Variants in ARHGAP28 observed in about 807,000 individuals in gnomAD.
The protein encoded by ARHGAP28 is rho GTPase-activating protein 28.
ARHGAP28 carries 56 observed loss-of-function variants against 90.7 expected under a neutral mutation model. The ratio of observed to expected loss-of-function variants is 0.62; its 90% CI spans 0.50 to 0.77. ARHGAP28 has a LOEUF of 0.77. Among genes scored for constraint, ARHGAP28 ranks in the 30% least tolerant of loss-of-function variants. ARHGAP28 has a pLI of 0.00. For synonymous variants in ARHGAP28, 308 were observed against 323.3 expected (o/e 0.95, Z 0.51); for missense variants, 869 against 900.9 (o/e 0.96, Z 0.45).
chr18:6,756,221 CT>C (rs1390611651), intron 1 of ARHGAP28, among the ~76,000 whole-genome samples: 1 of 152,162 alleles, frequency 6.6e-6, no homozygotes, highest in Non-Finnish European at 1.5e-5. Context: ...GCCAACTATT[CT>C]TTTATTATAT....
intron 1 of ARHGAP28, among the ~76,000 whole-genome samples, chr18:6,757,245 C>T (rs56267670): frequency 0.014 from 2,173 of 152,262 alleles, 29 homozygotes; most frequent in Non-Finnish European, 0.021. Flanking sequence ...GCCATTATTT[C>T]ACATGGTGAA....
chr18:6,867,668 C>G (rs1600264121), intron 5 of ARHGAP28, among the ~76,000 whole-genome samples: 1 of 152,072 alleles, frequency 6.6e-6, no homozygotes, highest in Non-Finnish European at 1.5e-5. Context: ...TACTATCACT[C>G]TGTGTTTTGC....
At chr18:6,852,531 A>G (rs2056918685) in intron 4 of ARHGAP28, among the ~76,000 whole-genome samples, 1 of 152,240 alleles carries the variant, frequency 6.6e-6, no homozygotes, top group Non-Finnish European at 1.5e-5. Flanking sequence ...AATCTAAGGA[A>G]CTTAATTTTA....
At chr18:6,897,443 A>T (rs937808629) in intron 16 of ARHGAP28, 1 of 152,350 alleles carries the variant, frequency 6.6e-6, no homozygotes, top group African/African-American at 2.4e-5. Flanking sequence ...CAAATCTGCC[A>T]TGATCACCTT....
intron 16 of ARHGAP28, among the ~76,000 whole-genome samples, chr18:6,904,777 A>T (rs1358585156): frequency 1.3e-5 from 2 of 152,168 alleles, no homozygotes; most frequent in Non-Finnish European, 2.9e-5. Context: ...TTAAAGGGAT[A>T]AAAAGGATTA....
chr18:6,829,185 G>A (rs2056696838), intron 2 of ARHGAP28, among the ~76,000 whole-genome samples: 1 of 152,148 alleles, frequency 6.6e-6, no homozygotes, highest in South Asian at 2.1e-4. Context: ...CAGAAAGACA[G>A]GAAGACACAT....
chr18:6,859,716 C>T (rs1192296154), intron 4 of ARHGAP28, 92 bp from the exon 5 acceptor site: 1 of 1,243,960 alleles, frequency 8.0e-7, no homozygotes, highest in Non-Finnish European at 1.2e-6. Flanking sequence ...TATATTGCCA[C>T]ACATATCTCA....
chr18:6,734,782 T>C (rs1477617370), intron 1 of ARHGAP28, among the ~76,000 whole-genome samples: 2 of 152,204 alleles, frequency 1.3e-5, no homozygotes, highest in Non-Finnish European at 2.9e-5. Flanking sequence ...TGGGGGATAC[T>C]AGGTATACTT....
At chr18:6,894,965 T>C in intron 15 of ARHGAP28, 74 bp downstream of exon 15, 1 of 1,371,630 alleles carries the variant, frequency 7.3e-7, no homozygotes, top group South Asian at 1.2e-5. Flanking sequence ...ACCACATTTA[T>C]GTATAATGTT....
intron 1 of ARHGAP28, among the ~76,000 whole-genome samples, chr18:6,739,219 A>G (rs1196634109): frequency 1.3e-5 from 2 of 152,114 alleles, no homozygotes; most frequent in African/African-American, 4.8e-5. Flanking sequence ...CTCTGCCTCA[A>G]TTTGATTATT....
intron 1 of ARHGAP28, among the ~76,000 whole-genome samples, chr18:6,731,913 A>G (rs2055885839): frequency 6.6e-6 from 1 of 152,032 alleles, no homozygotes; most frequent in Admixed American, 6.5e-5. Flanking sequence ...TTTCAAGAAT[A>G]CCCTTTCCTT....
intron 3 of ARHGAP28, among the ~76,000 whole-genome samples, chr18:6,838,917 G>A (rs1364771362): frequency 6.6e-6 from 1 of 152,110 alleles, no homozygotes; most frequent in Admixed American, 6.5e-5. Context: ...GTAGTAAAAG[G>A]TTGCCTTGCT....
chr18:6,758,311 A>AT (rs2056129317), intron 1 of ARHGAP28, among the ~76,000 whole-genome samples: 1 of 151,764 alleles, frequency 6.6e-6, no homozygotes, highest in South Asian at 2.1e-4. Flanking sequence ...TAGGGCAGAG[A>AT]TTCTGCTCTG....
chr18:6,888,592 T>G (rs2057239994), intron 12 of ARHGAP28, among the ~76,000 whole-genome samples: 1 of 152,172 alleles, frequency 6.6e-6, no homozygotes, highest in Non-Finnish European at 1.5e-5. Context: ...TTTCAAAAAC[T>G]GAAAATTTAT....
chr18:6,807,949 C>T (rs2056530959), intron 1 of ARHGAP28, among the ~76,000 whole-genome samples: 1 of 152,184 alleles, frequency 6.6e-6, no homozygotes, highest in Non-Finnish European at 1.5e-5. Flanking sequence ...TTGTAGGGCT[C>T]AACTTGTTTA....
rs1351461954 is a variant in ARHGAP28 at position 6,896,402 on chromosome 18, T to C, written c.1906-100T>C. ...TGTTGATCATAGTGATGTGTTTTCC[T>C]AATTCAGAGTAGCACTGATTTTCAT... On this transcript the variant is annotated intron_variant, in intron 15 of 17. Coordinates refer to ENST00000383472, the MANE Select transcript of ARHGAP28 (RefSeq NM_001366230.1). 8.8e-6 allele frequency: 12 copies of C among 1,365,708 alleles called. No individual in the cohort carries two copies. The African/African-American group carries it at 1.4e-4, about 16-fold the overall frequency. The allele number at this position is 1,365,708 out of a possible 1,614,324, so 84.6% of individuals were successfully genotyped here. A position where few individuals can be genotyped will look rare whatever the true frequency, so the allele number is the denominator to read the frequency against.
Position 6,865,588 on chromosome 18 carries a change from AGTCAGAGAGATCATAAACATGT to A in ARHGAP28, c.727-2561_727-2540del, listed in dbSNP as rs549477660. Among the ~76,000 whole-genome samples the A allele has an allele frequency of 1.5e-4, 23 of 152,316 alleles. No homozygotes were observed. The South Asian group carries it at 3.5e-3, about 23-fold the overall frequency. On this transcript the variant is annotated intron_variant, in intron 5 of 17. Transcript: ENST00000383472. ...AACCATGGGCAAAAACCAAACAGCC[AGTCAGAGAGATCATAAACATGT>A]TTTGAGTCAGTGAAATTTTAAGTAG... is the stretch of plus-strand genomic sequence containing the variant.
intron 1 of ARHGAP28, 40 bp from the exon 2 acceptor site, chr18:6,824,722 T>C: frequency 2.0e-6 from 3 of 1,469,766 alleles, no homozygotes; most frequent in Non-Finnish European, 2.7e-6. Context: ...AACATAAAAA[T>C]ATAACCCGTT....
chr18:6,887,243 C>A lies in ARHGAP28; in HGVS notation c.1536+4C>A. 1 of 1,613,578 alleles carries A rather than the reference C, an allele frequency of 6.2e-7. No individual in the cohort carries two copies. Among genetic ancestry groups the A allele is most frequent in the Non-Finnish European group, 8.5e-7 (1 of 1,179,664 alleles). On this transcript the variant is annotated splice_donor_region_variant and intron_variant, in intron 12 of 17. Coordinates refer to ENST00000383472, the MANE Select transcript of ARHGAP28 (RefSeq NM_001366230.1). ...TGCCAACAGAGATGCAGCTCAGGTA[C>A]GTCGTGTCCACCTCACAGCTTGTCC...
Sources: allele counts gnomAD v4.1 joint callset (sites outside exome capture counted in the v4.1 genomes callset), GRCh38; gene constraint gnomAD v4.1.1; transcripts MANE v1.5; gene names NCBI Gene and HGNC (gene_info 2026-07-23, HGNC 2026-07-21).